Variants in ZNF711 observed in about 807,000 individuals in gnomAD.
ZNF711 encodes zinc finger protein 711.
In ZNF711, 3 loss-of-function variants were observed where a neutral mutation model predicts 43.5. That is an observed-to-expected ratio of 0.07 (90% confidence interval 0.03 to 0.18). ZNF711 has a LOEUF of 0.18. Among genes scored for constraint, ZNF711 ranks in the 10% least tolerant of loss-of-function variants. The pLI is 1.00. For missense variants in ZNF711, 412 were observed against 604.0 expected, an observed-to-expected ratio of 0.68 and a Z score of 3.33; for synonymous variants, 209 against 207.7, an observed-to-expected ratio of 1.01 and a Z score of -0.06.
rs1486218243 is a variant in ZNF711 at position 85,247,139 on chromosome X, A to T, written c.-76A>T. On this transcript the variant is annotated 5_prime_UTR_variant, in exon 3 of 11. Coordinates refer to ENST00000674551, the MANE Select transcript of ZNF711 (RefSeq NM_001330574.2). ...TCTGGGTCTGGAAGAAATGGATGAGAGCCAGTGGATGAAATTCACTAATAC... is the reference window on the plus strand; with the variant it reads ...TCTGGGTCTGGAAGAAATGGATGAGTGCCAGTGGATGAAATTCACTAATAC... 1 of 295,161 alleles carries T rather than the reference A, an allele frequency of 3.4e-6. No individual in the cohort carries two copies. Among genetic ancestry groups the T allele is most frequent in the African/African-American group, 2.7e-5 (1 of 36,472 alleles). 24.3% of individuals were successfully genotyped at this position (295,161 alleles called of 1,213,427 possible).
intron 4 of ZNF711, among the ~76,000 whole-genome samples, chrX:85,251,221 G>A (rs1212610716): frequency 8.9e-6 from 1 of 111,744 alleles, no homozygotes; most frequent in Non-Finnish European, 1.9e-5. Flanking sequence ...GTTCTTGGTT[G>A]ATACAATACA....
chrX:85,244,379 G>T (rs1350011889), intron 1 of ZNF711, among the ~76,000 whole-genome samples, 188 bp downstream of exon 1: 2 of 111,944 alleles, frequency 1.8e-5, no homozygotes, highest in Admixed American at 9.3e-5. Context: ...GCAGCCGGGG[G>T]CTGGAGGAAT....
chrX:85,269,196 T>C (rs1240054762), intron 9 of ZNF711, among the ~76,000 whole-genome samples: 1 of 111,293 alleles, frequency 9.0e-6, no homozygotes. Context: ...GAGATCTGTT[T>C]CGTTTTTTAT....
intron 6 of ZNF711, among the ~76,000 whole-genome samples, 174 bp downstream of exon 6, chrX:85,264,604 ATTC>A (rs1179163168): frequency 9.0e-6 from 1 of 111,500 alleles, no homozygotes; most frequent in Non-Finnish European, 1.9e-5. Flanking sequence ...AGAATATGTC[ATTC>A]TTTGATTCTT....
chrX:85,254,431 C>G (rs1369697586), intron 4 of ZNF711, among the ~76,000 whole-genome samples: 8 of 83,304 alleles, frequency 9.6e-5, no homozygotes, highest in African/African-American at 1.1e-4. Flanking sequence ...GGTGAAACCC[C>G]GTCTCTACTA....
chrX:85,264,057 C>G (rs1338641612), intron 5 of ZNF711, among the ~76,000 whole-genome samples: 2 of 110,172 alleles, frequency 1.8e-5, no homozygotes, highest in African/African-American at 6.6e-5. Context: ...CTCCTCTCCC[C>G]CCACCTTTTT....
chrX:85,252,196 A>C (rs1001756518), intron 4 of ZNF711, among the ~76,000 whole-genome samples: 10 of 112,247 alleles, frequency 8.9e-5, no homozygotes, highest in African/African-American at 2.6e-4. Flanking sequence ...GGACTTACCA[A>C]TTCTTGGTCT....
At chrX:85,270,506 T>C (rs1005982048) in intron 10 of ZNF711, 145 bp from the exon 11 acceptor site, 2 of 576,137 alleles carry the variant, frequency 3.5e-6, no homozygotes, top group Admixed American at 6.4e-5. Context: ...TAAATTGCTT[T>C]TATTATGTAT....
chrX:85,273,077 A>G lies in ZNF711; in HGVS notation c.*1249A>G. 8.9e-6 allele frequency: 1 copy of G among 112,310 alleles called. No individual in the cohort carries two copies. Among genetic ancestry groups the G allele is most frequent in the South Asian group, 3.7e-4 (1 of 2,738 alleles). 9.3% of individuals were successfully genotyped at this position (112,310 alleles called of 1,213,427 possible). On this transcript the variant is annotated 3_prime_UTR_variant, in exon 11 of 11. Coordinates refer to ENST00000674551, the MANE Select transcript of ZNF711 (RefSeq NM_001330574.2). ...TCATGTTTACATTCAGCTGTTCAAC[A>G]TAATTAAAATGTAATTTTACTTCAT...
At chrX:85,254,352 C>T (rs756568289) in intron 4 of ZNF711, among the ~76,000 whole-genome samples, 1 of 88,164 alleles carries the variant, frequency 1.1e-5, no homozygotes, top group East Asian at 3.4e-4. Context: ...CGCCTGTAAT[C>T]CCAGCACTTT....
At chrX:85,260,968 C>G (rs750079119) in intron 5 of ZNF711, among the ~76,000 whole-genome samples, 1 of 110,999 alleles carries the variant, frequency 9.0e-6, no homozygotes, top group Non-Finnish European at 1.9e-5. Flanking sequence ...TGTATTCTTA[C>G]AATAAAGTAA....
intron 1 of ZNF711, among the ~76,000 whole-genome samples, chrX:85,245,413 G>A (rs1483762945): frequency 1.8e-5 from 2 of 112,288 alleles, no homozygotes; most frequent in African/African-American, 3.2e-5. Flanking sequence ...ACACACTGCT[G>A]TTTTCATACC....
chrX:85,264,278 A>G lies in ZNF711; in HGVS notation c.626A>G (p.Asp209Gly). The G allele has an allele frequency of 8.4e-7, 1 of 1,195,817 alleles. No individual in the cohort carries two copies. Among genetic ancestry groups the G allele is most frequent in the Non-Finnish European group, 1.1e-6 (1 of 882,611 alleles). Residue 209 changes from aspartate (D) to glycine (G), a missense_variant, in exon 6 of 11, where the codon GAT (aspartate) becomes GGT (glycine). This residue lies in a region of ZNF711 where 375 missense variants were observed against 514.2 expected (regional missense o/e 0.73). Coordinates refer to ENST00000674551, the MANE Select transcript of ZNF711 (RefSeq NM_001330574.2). ...TAATTTTGTTTATATTTTATAGTGG[A>G]TGATGTTGGAGAAAAATTAGAGCAT... ...TSEDYLMISL[D>G]DVGEKLEHMG... is the part of the protein sequence containing the mutation.
At position 85,272,202 on chromosome X, in the gene ZNF711, A is replaced by T. The variant is rs1157759634; in HGVS notation, c.*374A>T. The T allele has an allele frequency of 1.5e-5, 2 of 137,615 alleles. No individual in the cohort carries two copies. Among genetic ancestry groups the T allele is most frequent in the East Asian group, 3.8e-4 (2 of 5,269 alleles). 11.3% of individuals were successfully genotyped at this position (137,615 alleles called of 1,213,427 possible). ...GAGTTTAGTGATGCTTTGCTATAGCAAGCAAACCCACTTTTATGCAATTTT... is the reference window on the plus strand; with the variant it reads ...GAGTTTAGTGATGCTTTGCTATAGCTAGCAAACCCACTTTTATGCAATTTT... On this transcript the variant is annotated 3_prime_UTR_variant, in exon 11 of 11. Transcript: ENST00000674551.
Position 85,260,614 on chromosome X carries a change from C to G in ZNF711, c.623-3661C>G, listed in dbSNP as rs1456890128. On this transcript the variant is annotated intron_variant, in intron 5 of 10. Transcript: ENST00000674551. ...TACCCTTTAGCTGTTAGCCCCCCCC[C>G]CATCCACTCTGAGGCAACCATGCCT... Among the ~76,000 whole-genome samples, 5 of 72,817 alleles carry G rather than the reference C, an allele frequency of 6.9e-5. No homozygotes were observed. The East Asian group carries it at 1.6e-3, about 23-fold the overall frequency. The allele number at this position is 72,817 out of a possible 115,157, so 63.2% of individuals were successfully genotyped here.
At chrX:85,265,323 A>C in intron 7 of ZNF711, 68 bp downstream of exon 7, 1 of 1,089,200 alleles carries the variant, frequency 9.2e-7, no homozygotes, top group Admixed American at 2.2e-5. Flanking sequence ...AAAATCTCAG[A>C]GATACAAGCA....
At chrX:85,264,895 T>C (rs888013218) in intron 6 of ZNF711, among the ~76,000 whole-genome samples, 5 of 111,316 alleles carry the variant, frequency 4.5e-5, no homozygotes, top group South Asian at 3.7e-4. Flanking sequence ...AAAAGACTTA[T>C]ATACTGCTTG....
At position 85,255,472 on chromosome X, in the gene ZNF711, T is replaced by G. The variant is rs749822366; in HGVS notation, c.293T>G (p.Val98Gly). 1 of 1,209,919 alleles carries G rather than the reference T, an allele frequency of 8.3e-7. No individual in the cohort carries two copies. Among genetic ancestry groups the G allele is most frequent in the African/African-American group, 1.8e-5 (1 of 57,068 alleles). Residue 98 changes from valine (V) to glycine (G), a missense_variant, in exon 5 of 11, where the codon GTT (valine) becomes GGT (glycine). Transcript: ENST00000674551. ...CCTGAAGCGGTACTTGAAGCTGATG[T>G]TGCCATTGAAGAGGATTTAGAGGAA... Reference protein sequence around the residue: ...IVPEAVLEADVAIEEDLEEDD... With the variant: ...IVPEAVLEADGAIEEDLEEDD...
chrX:85,264,889 G>T (rs978883103), intron 6 of ZNF711, among the ~76,000 whole-genome samples: 1 of 110,826 alleles, frequency 9.0e-6, no homozygotes, highest in Non-Finnish European at 1.9e-5. Flanking sequence ...ATGTATAAAA[G>T]ACTTATATAC....
Sources: gnomAD v4.1 joint callset for allele counts (sites outside exome capture counted in the v4.1 genomes callset) on GRCh38, gnomAD v4.1.1 for gene constraint, gnomAD v4.1.1 regional missense constraint, MANE v1.5 for transcripts, NCBI Gene and HGNC (gene_info 2026-07-23, HGNC 2026-07-21) for gene names.